Variants in DIP2A observed in about 807,000 individuals in gnomAD.
DIP2A encodes the protein disco-interacting protein 2 homolog A.
In DIP2A, 85 loss-of-function variants were observed where a neutral mutation model predicts 177.4. The ratio of observed to expected loss-of-function variants is 0.48; its 90% CI spans 0.40 to 0.57. The LOEUF (loss-of-function observed/expected upper bound fraction) is 0.57. DIP2A is among the 20% of genes least tolerant of loss of function. The probability of loss-of-function intolerance (pLI) is 0.00; values close to 1 mark genes in which losing one functional copy is unlikely to be tolerated. For missense variants in DIP2A, 1,791 were observed against 2,100.2 expected, an observed-to-expected ratio of 0.85 and a Z score of 2.88; for synonymous variants, 886 against 881.8, an observed-to-expected ratio of 1.00 and a Z score of -0.08.
At position 46,557,080 on chromosome 21, in the gene DIP2A, G is replaced by A; in HGVS notation, c.3629+11G>A. On this transcript the variant is annotated intron_variant, in intron 30 of 37. Transcript: ENST00000417564. The surrounding 1 kb of genome is among the most constrained non-coding windows in gnomAD (Gnocchi z 6.0). ...GTGGTGTCTGTGCAGGTGAGTGCAG[G>A]GCCCCTGCTGCCTGCCAGGTGGGAG... is the stretch of plus-strand genomic sequence containing the variant. The A allele has an allele frequency of 2.5e-6, 4 of 1,590,278 alleles. No individual in the cohort carries two copies. The highest frequency in any genetic ancestry group is 1.1e-5 in the South Asian group (1 of 88,862).
intron 6 of DIP2A, 51 bp downstream of exon 6, chr21:46,504,540 C>G: frequency 6.5e-7 from 1 of 1,548,570 alleles, no homozygotes; most frequent in Non-Finnish European, 8.7e-7. Context: ...CAGGTTTTGT[C>G]TTTGGGTATT....
chr21:46,484,135 T>C (rs1241398714), intron 1 of DIP2A, among the ~76,000 whole-genome samples: 1 of 152,188 alleles, frequency 6.6e-6, no homozygotes, highest in Non-Finnish European at 1.5e-5. Context: ...GCAATACTTG[T>C]GAAACTTGAA....
At chr21:46,560,812 T>C (rs1253298777) in intron 33 of DIP2A, 29 bp downstream of exon 33, 3 of 1,588,314 alleles carry the variant, frequency 1.9e-6, no homozygotes, top group Admixed American at 3.6e-5. Flanking sequence ...CTGGGCCCCA[T>C]GGATACCCAG....
intron 13 of DIP2A, among the ~76,000 whole-genome samples, chr21:46,536,737 C>G (rs1411907865): frequency 6.6e-6 from 1 of 152,064 alleles, no homozygotes; most frequent in East Asian, 1.9e-4. Flanking sequence ...AATCCCTTCT[C>G]TACTAAAAAT....
the DIP2A span, among the ~76,000 whole-genome samples, chr21:46,575,177 CAT>C: frequency 3.9e-5 from 6 of 152,088 alleles, no homozygotes; most frequent in Non-Finnish European, 7.4e-5. Context: ...GGAAAAACCA[CAT>C]GTGATCGTCT....
intron 4 of DIP2A, 26 bp downstream of exon 4, chr21:46,497,133 G>A (rs1419692874): frequency 6.7e-7 from 1 of 1,499,814 alleles, no homozygotes. Flanking sequence ...GTCAAGTGTG[G>A]CTTTTTTTTG....
chr21:46,548,852 A>G (rs1007076332), intron 21 of DIP2A, among the ~76,000 whole-genome samples: 1 of 152,218 alleles, frequency 6.6e-6, no homozygotes, highest in Non-Finnish European at 1.5e-5. Context: ...TATTCTCACC[A>G]TGGACCACAC....
At chr21:46,560,433 T>G (rs1046202600) in intron 32 of DIP2A, among the ~76,000 whole-genome samples, 2 of 152,072 alleles carry the variant, frequency 1.3e-5, no homozygotes, top group Non-Finnish European at 2.9e-5. Flanking sequence ...AAGAGACCAG[T>G]GGGAATAGAA....
chr21:46,552,507 C>T (rs947718291), intron 25 of DIP2A, among the ~76,000 whole-genome samples: 1 of 152,172 alleles, frequency 6.6e-6, no homozygotes, highest in African/African-American at 2.4e-5. Context: ...AGTTAAATAA[C>T]TTAAAACCCT....
At chr21:46,562,838 C>T (rs140474448) in intron 34 of DIP2A, among the ~76,000 whole-genome samples, 1 of 152,268 alleles carries the variant, frequency 6.6e-6, no homozygotes, top group Non-Finnish European at 1.5e-5. Flanking sequence ...GGCTGCTGCA[C>T]GTCCTCCCTT....
chr21:46,546,772 T>TG, intron 20 of DIP2A, 143 bp from the exon 21 acceptor site: 1 of 838,224 alleles, frequency 1.2e-6, no homozygotes, highest in Non-Finnish European at 1.8e-6. Flanking sequence ...CGTTGCAGAT[T>TG]GGGTCTGTGG....
chr21:46,537,169 A>T lies in DIP2A; in HGVS notation c.1643-55A>T, dbSNP rs1356129478. 11 of 1,582,134 alleles carry T rather than the reference A, an allele frequency of 7.0e-6. No homozygotes were observed. Among genetic ancestry groups the T allele is most frequent in the Non-Finnish European group, 5.2e-6 (6 of 1,150,786 alleles). On this transcript the variant is annotated intron_variant, in intron 13 of 37. Transcript: ENST00000417564. The surrounding 1 kb of genome is among the most constrained non-coding windows in gnomAD (Gnocchi z 4.1). ...ACCTCAGAATTTCTCTAGAAAATGC[A>T]TAGGGCTTATTGAGAGGGTTGCTCA...
Position 46,557,506 on chromosome 21 carries a change from T to C in DIP2A, c.3630-79T>C. ...GCCCCTGTTGTGGCTGGAAAAGAAG[T>C]GTTCTTGAGGAAGGGAAGAGTGGAG... On this transcript the variant is annotated intron_variant, in intron 30 of 37. Transcript: ENST00000417564. The surrounding 1 kb of genome is among the most constrained non-coding windows in gnomAD (Gnocchi z 6.0). 4 of 1,457,430 alleles carry C rather than the reference T, an allele frequency of 2.7e-6. No homozygotes were observed. Among genetic ancestry groups the C allele is most frequent in the Non-Finnish European group, 2.8e-6 (3 of 1,087,226 alleles). The allele number at this position is 1,457,430 out of a possible 1,614,324, so 90.3% of individuals were successfully genotyped here.
chr21:46,505,865 A>G (rs1161784757), intron 6 of DIP2A, among the ~76,000 whole-genome samples: 1 of 152,118 alleles, frequency 6.6e-6, no homozygotes. Flanking sequence ...ACTCTCCATA[A>G]TTATTTTGAG....
chr21:46,504,864 C>A (rs1391404745), intron 6 of DIP2A, among the ~76,000 whole-genome samples: 5 of 152,112 alleles, frequency 3.3e-5, no homozygotes, highest in African/African-American at 1.2e-4. Flanking sequence ...GTGCACACAC[C>A]CACCTATGAC....
At chr21:46,542,297 A>G (rs1490158963) in intron 18 of DIP2A, among the ~76,000 whole-genome samples, 1 of 152,220 alleles carries the variant, frequency 6.6e-6, no homozygotes, top group East Asian at 1.9e-4. Context: ...GACGGTGATA[A>G]TAGCTCACTG....
the DIP2A span, among the ~76,000 whole-genome samples, chr21:46,580,066 A>G: frequency 0.059 from 9,042 of 152,156 alleles, 324 homozygotes; most frequent in Non-Finnish European, 0.078. Context: ...GTCTCCCGCT[A>G]TTATTGTGTG....
intron 6 of DIP2A, among the ~76,000 whole-genome samples, chr21:46,505,719 CG>C (rs2057945738): frequency 6.6e-6 from 1 of 152,204 alleles, no homozygotes; most frequent in Non-Finnish European, 1.5e-5. Context: ...CTCCTCTCTT[CG>C]GATCCTTCTG....
intron 1 of DIP2A, among the ~76,000 whole-genome samples, chr21:46,481,577 A>C (rs929007794): frequency 6.6e-6 from 1 of 152,236 alleles, no homozygotes; most frequent in Non-Finnish European, 1.5e-5. Flanking sequence ...GCCCATCAGC[A>C]ATATATGAGT....
Sources: allele counts gnomAD v4.1 joint callset (sites outside exome capture counted in the v4.1 genomes callset), GRCh38; gene constraint gnomAD v4.1.1; non-coding constraint Gnocchi (gnomAD v3.1); transcripts MANE v1.5; gene names NCBI Gene and HGNC (gene_info 2026-07-23, HGNC 2026-07-21).